THADA: variants seen among roughly 807,000 people sequenced by gnomAD.
THADA encodes THADA armadillo repeat containing.
A neutral mutation model predicts 219.8 loss-of-function variants in THADA; 213 were observed. That is an observed-to-expected ratio of 0.97 (90% CI 0.87 to 1.09). The LOEUF is 1.09. Among genes scored for constraint, THADA ranks in the 50% least tolerant of loss-of-function variants. The probability of loss-of-function intolerance (pLI) is 0.00; values close to 1 mark genes in which losing one functional copy is unlikely to be tolerated. For missense variants in THADA, 2,956 were observed against 2,311.3 expected, an observed-to-expected ratio of 1.28 and a Z score of -5.72; for synonymous variants, 1,018 against 828.9, an observed-to-expected ratio of 1.23 and a Z score of -3.92.
chr2:43,440,932 T>G lies in THADA; in HGVS notation c.3837-10630A>C, dbSNP rs1410602760. On this transcript the variant is annotated intron_variant, in intron 26 of 37. Coordinates refer to ENST00000405975, the MANE Select transcript of THADA (RefSeq NM_022065.5). Reference sequence around the variant, plus strand: ...TAATTGTCCCAAACAGCAAGCTATGTCATGCAGTTACCTTAGCAAATATTT... The same window carrying G: ...TAATTGTCCCAAACAGCAAGCTATGGCATGCAGTTACCTTAGCAAATATTT... 1.3e-5 allele frequency among the ~76,000 whole-genome samples: 2 copies of G among 152,236 alleles called. 1 individual carries two copies. Among genetic ancestry groups the G allele is most frequent in the Non-Finnish European group, 2.9e-5 (2 of 68,030 alleles).
chr2:43,571,157 G>A (rs1467336642), intron 13 of THADA, among the ~76,000 whole-genome samples: 1 of 152,126 alleles, frequency 6.6e-6, no homozygotes, highest in Non-Finnish European at 1.5e-5. Context: ...TTCAGAGGCT[G>A]GGGAGGAAGA....
Position 43,286,820 on chromosome 2 carries a change from T to A in THADA, c.5164+88A>T, listed in dbSNP as rs149927358. 8.0e-3 allele frequency: 11,819 copies of A among 1,479,742 alleles called. 65 individuals are homozygous for A. The highest frequency in any genetic ancestry group is 0.01 in the South Asian group (813 of 79,480). 91.7% of individuals were successfully genotyped at this position (1,479,742 alleles called of 1,614,324 possible). On this transcript the variant is annotated intron_variant, in intron 35 of 37. Transcript: ENST00000405975. ...CATAAAGGCAGGTGTCATGTTGCCA[T>A]CTTTCACCTTCCCTTTTTTTAGGCA...
intron 29 of THADA, among the ~76,000 whole-genome samples, chr2:43,353,498 G>A (rs1668520485): frequency 6.6e-6 from 1 of 152,116 alleles, no homozygotes. Flanking sequence ...AGATATAAAA[G>A]AGATGGGTAT....
chr2:43,374,696 A>G (rs1671177506), intron 29 of THADA, among the ~76,000 whole-genome samples: 1 of 152,174 alleles, frequency 6.6e-6, no homozygotes, highest in Admixed American at 6.5e-5. Flanking sequence ...AAACCACTAA[A>G]TAACACATAA....
At position 43,273,823 on chromosome 2, in the gene THADA, G is replaced by A. The variant is rs867431819; in HGVS notation, c.5296+5942C>T. Among the ~76,000 whole-genome samples the A allele has an allele frequency of 4.6e-5, 7 of 152,208 alleles. No individual in the cohort carries two copies. The South Asian group carries it at 1.2e-3, about 27-fold the overall frequency. The stretch of plus-strand genomic sequence containing the variant: ...TTCCCTCCCTGTTTGCTCAAGGGTC[G>A]GGGCATATGAGAAGTGTTCATCCTT... On this transcript the variant is annotated intron_variant, in intron 36 of 37. Coordinates refer to ENST00000405975, the MANE Select transcript of THADA (RefSeq NM_022065.5).
At chr2:43,272,652 TCTCA>T (rs1672266266) in intron 36 of THADA, among the ~76,000 whole-genome samples, 1 of 138,648 alleles carries the variant, frequency 7.2e-6, no homozygotes, top group South Asian at 2.4e-4. Context: ...TGAGACAAGG[TCTCA>T]CTCTGTCACC....
chr2:43,437,761 G>A (rs1680306966), intron 26 of THADA, among the ~76,000 whole-genome samples: 1 of 151,958 alleles, frequency 6.6e-6, no homozygotes, highest in African/African-American at 2.4e-5. Flanking sequence ...GAACAGCATT[G>A]GAAGATATAG....
chr2:43,295,308 G>A (rs559950257), intron 31 of THADA, among the ~76,000 whole-genome samples: 5 of 152,262 alleles, frequency 3.3e-5, no homozygotes, highest in East Asian at 3.8e-4. Context: ...AAGCTGGAGG[G>A]TGGAGGCCTT....
chr2:43,241,694 G>A (rs1668636972), intron 36 of THADA, among the ~76,000 whole-genome samples: 1 of 151,974 alleles, frequency 6.6e-6, no homozygotes, highest in Non-Finnish European at 1.5e-5. Flanking sequence ...TTAGAAGACG[G>A]CAGCAGCTGC....
intron 30 of THADA, among the ~76,000 whole-genome samples, chr2:43,336,884 C>T (rs979787059): frequency 6.6e-6 from 1 of 152,120 alleles, no homozygotes; most frequent in African/African-American, 2.4e-5. Context: ...GGGCGGGGGC[C>T]GTGCAGAAGC....
intron 25 of THADA, among the ~76,000 whole-genome samples, chr2:43,489,726 CCT>C (rs1687376690): frequency 6.6e-6 from 1 of 152,038 alleles, no homozygotes; most frequent in Non-Finnish European, 1.5e-5. Context: ...ATGTGCCTAA[CCT>C]TATGTCAATG....
chr2:43,272,079 G>A, intron 36 of THADA, among the ~76,000 whole-genome samples: 1 of 152,184 alleles, frequency 6.6e-6, no homozygotes, highest in East Asian at 1.9e-4. Flanking sequence ...GCTGAGATTG[G>A]AATGATATGA....
intron 22 of THADA, among the ~76,000 whole-genome samples, chr2:43,511,295 C>T (rs932874838): frequency 2.0e-5 from 3 of 152,166 alleles, no homozygotes; most frequent in African/African-American, 7.2e-5. Flanking sequence ...AATACAAATA[C>T]ACTAAATACT....
At chr2:43,573,230 C>A (rs1263837556) in intron 11 of THADA, among the ~76,000 whole-genome samples, 2 of 152,196 alleles carry the variant, frequency 1.3e-5, no homozygotes, top group African/African-American at 2.4e-5. Context: ...ATAAACAAAT[C>A]ATTATTTACC....
At chr2:43,264,177 A>T (rs1353984602) in intron 36 of THADA, among the ~76,000 whole-genome samples, 1 of 151,472 alleles carries the variant, frequency 6.6e-6, no homozygotes, top group African/African-American at 2.4e-5. Context: ...AGGGGAGTGG[A>T]TGTTGTGAAA....
At position 43,577,265 on chromosome 2, in the gene THADA, A is replaced by G. The variant is rs77991667; in HGVS notation, c.817-23T>C. The G allele has an allele frequency of 1.9e-3, 2,962 of 1,530,374 alleles. 54 individuals carry two copies. The African/African-American group carries it at 0.035, about 18-fold the overall frequency. 94.8% of individuals were successfully genotyped at this position (1,530,374 alleles called of 1,614,324 possible). A position where few individuals can be genotyped will look rare whatever the true frequency, so the allele number is the denominator to read the frequency against. On this transcript the variant is annotated intron_variant, in intron 9 of 37. Coordinates refer to ENST00000405975, the MANE Select transcript of THADA (RefSeq NM_022065.5). The stretch of plus-strand genomic sequence containing the variant: ...AATCTGGAAAAATATAGCAGAGCTA[A>G]CACACATAAAGCTTTTAAAACTTTT...
rs201346178 is a variant in THADA, at chr2:43,578,438, C to T, written c.816+75G>A. ...TTGGGATTATAAGTGTGAGCCACTG[C>T]ACCAAGCCAAAATTATTTTTTAAAC... is the stretch of plus-strand genomic sequence containing the variant. On this transcript the variant is annotated intron_variant, in intron 9 of 37. Coordinates refer to ENST00000405975, the MANE Select transcript of THADA (RefSeq NM_022065.5). 4.2e-5 allele frequency: 51 copies of T among 1,223,572 alleles called. No homozygotes were observed. In the East Asian group the frequency reaches 8.7e-4, roughly 21 times the overall value. 75.8% of individuals were successfully genotyped at this position (1,223,572 alleles called of 1,614,324 possible). A position where few individuals can be genotyped will look rare whatever the true frequency, so the allele number is the denominator to read the frequency against.
rs568294137 is a variant in THADA at position 43,431,422 on chromosome 2, G to A, written c.3837-1120C>T. ...ATTTGATTTCTATCATTACAGTTTG[G>A]TTTTGTCTATTCTAGAATTTCATAT... On this transcript the variant is annotated intron_variant, in intron 26 of 37. Transcript: ENST00000405975. 2.6e-5 allele frequency among the ~76,000 whole-genome samples: 4 copies of A among 152,100 alleles called. No individual in the cohort carries two copies. In the East Asian group the frequency reaches 7.7e-4, roughly 29 times the overall value.
intron 8 of THADA, among the ~76,000 whole-genome samples, chr2:43,579,851 G>A (rs184391076): frequency 2.0e-5 from 3 of 152,204 alleles, no homozygotes; most frequent in Admixed American, 6.5e-5. Flanking sequence ...TGTGTGGGTC[G>A]TACACTGCCT....
Sources: allele counts gnomAD v4.1 joint callset (sites outside exome capture counted in the v4.1 genomes callset), GRCh38; gene constraint gnomAD v4.1.1; transcripts MANE v1.5; gene names NCBI Gene and HGNC (gene_info 2026-07-23, HGNC 2026-07-21).